The following URAD variants were observed in gnomAD, a reference collection of about 807,000 sequenced individuals.
URAD encodes the protein putative 2-oxo-4-hydroxy-4-carboxy-5-ureidoimidazoline decarboxylase.
A neutral mutation model predicts 4.6 loss-of-function variants in URAD; 4 were observed. The observed-to-expected ratio is 0.87, with a 90% CI of 0.43 to 1.98. URAD has a LOEUF of 1.98. Ranked by LOEUF, URAD falls within the 30% of genes most tolerant of loss-of-function variation. The pLI, the probability that URAD is intolerant of heterozygous loss-of-function variation, is 0.03. For missense variants in URAD, 300 were observed against 255.3 expected (o/e 1.18, Z -1.19); for synonymous variants, 144 against 118.2 (o/e 1.22, Z -1.41).
chr13:27,984,823 A>T (rs372910067), intron 1 of URAD, among the ~76,000 whole-genome samples: 111 of 152,200 alleles, frequency 7.3e-4, no homozygotes, highest in African/African-American at 2.5e-3. Flanking sequence ...GTTAAAAAAT[A>T]CAAAAATTAG....
chr13:27,980,137 C>G (rs947568455), intron 1 of URAD, among the ~76,000 whole-genome samples: 7 of 152,114 alleles, frequency 4.6e-5, no homozygotes, highest in Non-Finnish European at 7.4e-5. Context: ...GATCTTGGCT[C>G]ACTGCAACCT....
At position 27,986,257 on chromosome 13, in the gene URAD, T is replaced by G. The variant is rs531988993; in HGVS notation, c.175+2206A>C. 2.0e-5 allele frequency among the ~76,000 whole-genome samples: 3 copies of G among 152,320 alleles called. No individual in the cohort carries two copies. In the East Asian group the frequency reaches 5.8e-4, roughly 29 times the overall value. ...TTTTCAGTATCACCTTGGAAACGATTTCATGCATTCATTCAGCAAACTTTG... is the reference window on the plus strand; with the variant it reads ...TTTTCAGTATCACCTTGGAAACGATGTCATGCATTCATTCAGCAAACTTTG... On this transcript the variant is annotated intron_variant, in intron 1 of 1. Coordinates refer to ENST00000332715, the MANE Select transcript of URAD (RefSeq NM_001105577.2).
At chr13:27,988,249 C>CA (rs1426654119) in intron 1 of URAD, among the ~76,000 whole-genome samples, 2 of 139,116 alleles carry the variant, frequency 1.4e-5, no homozygotes, top group African/African-American at 4.9e-5. Flanking sequence ...GAGCCACCAA[C>CA]ACGCCCGGCC....
chr13:27,981,411 A>G lies in URAD; in HGVS notation c.176-2959T>C, dbSNP rs931057325. 2.0e-4 allele frequency among the ~76,000 whole-genome samples: 30 copies of G among 152,194 alleles called. 1 individual carries two copies. Among genetic ancestry groups the G allele is most frequent in the Admixed American group, 6.5e-5 (1 of 15,284 alleles). On this transcript the variant is annotated intron_variant, in intron 1 of 1. Coordinates refer to ENST00000332715, the MANE Select transcript of URAD (RefSeq NM_001105577.2). ...ACAGCCCGTGGTTCTCAGGGAATCT[A>G]GGTACTGCCCGTTCTTCAGTCTTTC...
intron 1 of URAD, among the ~76,000 whole-genome samples, chr13:27,984,909 G>A (rs1396337246): frequency 1.3e-5 from 2 of 152,116 alleles, no homozygotes; most frequent in Admixed American, 6.5e-5. Context: ...AACCCGGGAG[G>A]CGGAGGTTGC....
Position 27,979,521 on chromosome 13 carries a change from C to T in URAD, c.176-1069G>A, listed in dbSNP as rs182815083. On this transcript the variant is annotated intron_variant, in intron 1 of 1. Coordinates refer to ENST00000332715, the MANE Select transcript of URAD (RefSeq NM_001105577.2). ...GTGAGGATTAGAGACAATTCATTTA[C>T]TTAAAACACATCGCCTAATACCTAG... Among the ~76,000 whole-genome samples the T allele has an allele frequency of 2.6e-5, 4 of 152,340 alleles. No individual in the cohort carries two copies. The East Asian group carries it at 5.8e-4, about 22-fold the overall frequency.
intron 1 of URAD, among the ~76,000 whole-genome samples, chr13:27,986,508 GA>G (rs1870032250): frequency 6.6e-6 from 1 of 150,764 alleles, no homozygotes; most frequent in East Asian, 1.9e-4. Flanking sequence ...GCAATAAGAT[GA>G]AAATGGAGAA....
At chr13:27,983,624 C>G (rs1008000324) in intron 1 of URAD, among the ~76,000 whole-genome samples, 1 of 152,172 alleles carries the variant, frequency 6.6e-6, no homozygotes, top group Non-Finnish European at 1.5e-5. Flanking sequence ...AGAAAGACCA[C>G]CTTTATTACA....
chr13:27,978,495 C>T, intron 1 of URAD, 43 bp from the exon 2 acceptor site: 1 of 1,284,862 alleles, frequency 7.8e-7, no homozygotes. Context: ...GTCAACCGCG[C>T]CCGTCCCGCA....
Position 27,988,664 on chromosome 13 carries a change from G to T in URAD, c.-27C>A. ...CCTTGTATTCCACTGGAGACAGCGG[G>T]ACGTCCAGCTCCCCTCTCGGTGAGT... On this transcript the variant is annotated 5_prime_UTR_variant, in exon 1 of 2. Transcript: ENST00000332715. 2 of 1,556,822 alleles carry T rather than the reference G, an allele frequency of 1.3e-6. No homozygotes were observed. Among genetic ancestry groups the T allele is most frequent in the South Asian group, 1.2e-5 (1 of 82,358 alleles).
At chr13:27,981,028 C>CCTCTCTCTCTCT (rs112351328) in intron 1 of URAD, among the ~76,000 whole-genome samples, 3 of 117,132 alleles carry the variant, frequency 2.6e-5, no homozygotes, top group East Asian at 2.3e-4. Context: ...CTCTCTCTCT[C>CCTCTCTCTCTCT]CTCTCTCTCT....
Position 27,977,993 on chromosome 13 carries a change from G to C in URAD, c.*113C>G. ...TCAATTCTCCACTTCCTTTGTGCAC[G>C]TGTGTGGACGCTGTTCCAGGCCCGA... On this transcript the variant is annotated 3_prime_UTR_variant, in exon 2 of 2. Transcript: ENST00000332715. 1 of 838,676 alleles carries C rather than the reference G, an allele frequency of 1.2e-6. No homozygotes were observed. The highest frequency in any genetic ancestry group is 1.7e-6 in the Non-Finnish European group (1 of 591,436). The allele number at this position is 838,676 out of a possible 1,614,324, so 52.0% of individuals were successfully genotyped here.
chr13:27,980,845 G>C (rs1021745987), intron 1 of URAD, among the ~76,000 whole-genome samples: 1 of 151,974 alleles, frequency 6.6e-6, no homozygotes, highest in South Asian at 2.1e-4. Context: ...TTTGTCTCCC[G>C]CTTGGAAACG....
intron 1 of URAD, among the ~76,000 whole-genome samples, chr13:27,980,067 T>G (rs781610967): frequency 1.3e-5 from 2 of 152,136 alleles, no homozygotes; most frequent in African/African-American, 2.4e-5. Flanking sequence ...ACCACTGTTT[T>G]TTGTTTTTTG....
At chr13:27,982,634 T>A (rs1283367669) in intron 1 of URAD, among the ~76,000 whole-genome samples, 1 of 152,188 alleles carries the variant, frequency 6.6e-6, no homozygotes, top group African/African-American at 2.4e-5. Context: ...ACTTTAGCCC[T>A]CAGTGTTTCA....
rs749372365 is a variant in URAD, at chr13:27,988,557, C to T, written c.81G>A (p.Leu27=). 4.0e-5 allele frequency: 64 copies of T among 1,613,826 alleles called. No homozygotes were observed. In the Middle Eastern group the frequency reaches 6.6e-4, roughly 17 times the overall value. ...VFGNATERCP[L]IAAAVWSQRP... ...GCTGGGACCAAACAGCAGCTGCAAT[C>T]AGAGGACATCTCTCAGTGGCATTCC... Residue 27 remains leucine (L), a synonymous_variant, in exon 1 of 2, where the codon CTG becomes CTA. Coordinates refer to ENST00000332715, the MANE Select transcript of URAD (RefSeq NM_001105577.2).
chr13:27,987,836 A>G (rs1870072645), intron 1 of URAD, among the ~76,000 whole-genome samples: 1 of 152,192 alleles, frequency 6.6e-6, no homozygotes, highest in South Asian at 2.1e-4. Flanking sequence ...GAACCTTCCA[A>G]AGGAAAGAAC....
intron 1 of URAD, among the ~76,000 whole-genome samples, chr13:27,981,506 A>G (rs191815209): frequency 5.3e-5 from 8 of 152,204 alleles, no homozygotes; most frequent in African/African-American, 1.9e-4. Flanking sequence ...GATGTGTGTT[A>G]TTTGCCGGGA....
chr13:27,984,903 CG>C (rs1869978000), intron 1 of URAD, among the ~76,000 whole-genome samples: 1 of 152,042 alleles, frequency 6.6e-6, no homozygotes, highest in African/African-American at 2.4e-5. Context: ...CGCTTGAACC[CG>C]GGAGGCGGAG....
Sources: gnomAD v4.1 joint callset for allele counts (sites outside exome capture counted in the v4.1 genomes callset) on GRCh38, gnomAD v4.1.1 for gene constraint, MANE v1.5 for transcripts, NCBI Gene and HGNC (gene_info 2026-07-23, HGNC 2026-07-21) for gene names.